The following ACTR3B variants were observed in gnomAD, a reference collection of about 807,000 sequenced individuals.
ACTR3B encodes the protein actin-related protein 3B.
Under a neutral mutation model 59.0 loss-of-function variants are expected in ACTR3B, and 8 were observed. The ratio of observed to expected loss-of-function variants is 0.14; its 90% CI spans 0.08 to 0.24. ACTR3B has a LOEUF of 0.24. Ranked by LOEUF, ACTR3B falls within the 10% of genes least tolerant of loss-of-function variation. The pLI is 1.00. For missense variants in ACTR3B, 245 were observed against 552.3 expected, an observed-to-expected ratio of 0.44 and a Z score of 5.58; for synonymous variants, 148 against 197.9, an observed-to-expected ratio of 0.75 and a Z score of 2.12.
chr7:152,817,716 T>G (rs1296591701), intron 6 of ACTR3B, among the ~76,000 whole-genome samples: 1 of 151,928 alleles, frequency 6.6e-6, no homozygotes, highest in African/African-American at 2.4e-5. Context: ...TATGGGGGGG[T>G]GTGTATGTGT....
At chr7:152,782,675 G>A (rs1307115766) in intron 1 of ACTR3B, among the ~76,000 whole-genome samples, 7 of 149,522 alleles carry the variant, frequency 4.7e-5, no homozygotes, top group Admixed American at 6.7e-5. Flanking sequence ...CCCCCACCCC[G>A]CAAAGTTCAG....
intron 7 of ACTR3B, among the ~76,000 whole-genome samples, chr7:152,821,889 G>T (rs1397301993): frequency 1.3e-5 from 2 of 152,196 alleles, no homozygotes; most frequent in African/African-American, 2.4e-5. Flanking sequence ...AGGCCTGAGG[G>T]AGTGTGTAAC....
At chr7:152,767,093 G>GT (rs59830659) in intron 1 of ACTR3B, among the ~76,000 whole-genome samples, 6,672 of 141,378 alleles carry the variant, frequency 0.047, 204 homozygotes, top group East Asian at 0.11. Context: ...CAGCTGGTAG[G>GT]TTTTTTTTTT....
At chr7:152,778,045 C>T (rs1272276388) in intron 1 of ACTR3B, among the ~76,000 whole-genome samples, 9 of 151,732 alleles carry the variant, frequency 5.9e-5, no homozygotes, top group Non-Finnish European at 8.8e-5. Flanking sequence ...TCTAATTCTT[C>T]CTAACAGTGT....
In ACTR3B at chr7:152,760,403, C is replaced by T. The variant is rs139425872; in HGVS notation, c.44+477C>T. Among the ~76,000 whole-genome samples, 1,209 of 152,334 alleles carry T rather than the reference C, an allele frequency of 7.9e-3. 10 individuals carry two copies. The highest frequency in any genetic ancestry group is 0.012 in the Non-Finnish European group (794 of 68,030). ...GCCTTCCAGCGTTCTCAGCACTGGC[C>T]CTCGTTCTGTCCCCGCGTGTGCGTG... On this transcript the variant is annotated intron_variant, in intron 1 of 11. Transcript: ENST00000256001.
chr7:152,770,757 TG>T (rs2098122005), intron 1 of ACTR3B, among the ~76,000 whole-genome samples: 1 of 140,248 alleles, frequency 7.1e-6, no homozygotes, highest in African/African-American at 2.7e-5. Context: ...TTCAAGACAT[TG>T]TATTCAGTGT....
At chr7:152,815,949 TC>T (rs1211489406) in intron 5 of ACTR3B, among the ~76,000 whole-genome samples, 1 of 151,856 alleles carries the variant, frequency 6.6e-6, no homozygotes, top group East Asian at 1.9e-4. Flanking sequence ...TTTTTTTCTT[TC>T]CTTTTTTTAT....
At chr7:152,818,733 G>GTT (rs1795915657) in intron 6 of ACTR3B, among the ~76,000 whole-genome samples, 1 of 152,270 alleles carries the variant, frequency 6.6e-6, no homozygotes, top group Non-Finnish European at 1.5e-5. Context: ...ACAGGCGTGA[G>GTT]CCACTATGCC....
chr7:152,765,762 A>G (rs2689517), intron 1 of ACTR3B, among the ~76,000 whole-genome samples: 1 of 151,954 alleles, frequency 6.6e-6, no homozygotes, highest in African/African-American at 2.4e-5. Context: ...AGACCAGTTC[A>G]GTAAAAGTGC....
At chr7:152,788,726 A>G (rs2098183287) in intron 2 of ACTR3B, among the ~76,000 whole-genome samples, 1 of 152,122 alleles carries the variant, frequency 6.6e-6, no homozygotes, top group South Asian at 2.1e-4. Flanking sequence ...GTATTCTTTA[A>G]AAAGCTCTTA....
intron 9 of ACTR3B, among the ~76,000 whole-genome samples, chr7:152,836,181 A>G (rs1044712710): frequency 2.0e-5 from 3 of 152,074 alleles, no homozygotes; most frequent in African/African-American, 7.2e-5. Flanking sequence ...GGGGGGTTTG[A>G]CTTTAGATTT....
intron 9 of ACTR3B, among the ~76,000 whole-genome samples, chr7:152,849,565 G>A (rs140863328): frequency 2.9e-3 from 438 of 152,284 alleles, no homozygotes; most frequent in African/African-American, 9.8e-3. Flanking sequence ...GGTGTCCCTG[G>A]GCCAGAAACT....
intron 1 of ACTR3B, among the ~76,000 whole-genome samples, chr7:152,766,262 C>T (rs2098110104): frequency 1.3e-5 from 2 of 152,222 alleles, no homozygotes; most frequent in Admixed American, 1.3e-4. Flanking sequence ...GCAGTTAATT[C>T]CTCCAGCATC....
At chr7:152,792,123 G>C (rs2098198575) in intron 2 of ACTR3B, among the ~76,000 whole-genome samples, 1 of 152,040 alleles carries the variant, frequency 6.6e-6, no homozygotes, top group Admixed American at 6.6e-5. Flanking sequence ...AACTCCTCAA[G>C]TGATCCACCT....
At chr7:152,805,971 A>T (rs933857575) in intron 4 of ACTR3B, among the ~76,000 whole-genome samples, 4 of 152,216 alleles carry the variant, frequency 2.6e-5, no homozygotes, top group South Asian at 2.1e-4. Flanking sequence ...TTCATTTTTA[A>T]ATCAATACCA....
At chr7:152,772,157 A>C (rs2098125575) in intron 1 of ACTR3B, among the ~76,000 whole-genome samples, 1 of 152,110 alleles carries the variant, frequency 6.6e-6, no homozygotes, top group South Asian at 2.1e-4. Flanking sequence ...TAATGGAAAA[A>C]ATAAAATCAC....
In ACTR3B at chr7:152,834,146, G is replaced by A. The variant is rs191394909; in HGVS notation, c.951+9024G>A. 2.8e-3 allele frequency among the ~76,000 whole-genome samples: 428 copies of A among 151,110 alleles called. 8 individuals carry two copies. The highest frequency in any genetic ancestry group is 0.022 in the Admixed American group (336 of 15,180). On this transcript the variant is annotated intron_variant, in intron 9 of 11. Transcript: ENST00000256001. ...AAGGAGAATTTACTCCTTTGTAGTC[G>A]CTGTTTTTGTTTTTTTTTTTTTTGA...
At chr7:152,763,879 C>T (rs900773067) in intron 1 of ACTR3B, among the ~76,000 whole-genome samples, 5 of 152,178 alleles carry the variant, frequency 3.3e-5, no homozygotes, top group African/African-American at 1.2e-4. Context: ...TATGAGTTGT[C>T]GTTCTGTTCA....
chr7:152,798,078 T>G (rs1271166519), intron 2 of ACTR3B, among the ~76,000 whole-genome samples: 2 of 152,072 alleles, frequency 1.3e-5, no homozygotes, highest in Non-Finnish European at 2.9e-5. Context: ...GATCGTATGG[T>G]AGTTCTATTT....
Sources: allele counts gnomAD v4.1 joint callset (sites outside exome capture counted in the v4.1 genomes callset), GRCh38; gene constraint gnomAD v4.1.1; transcripts MANE v1.5; gene names NCBI Gene and HGNC (gene_info 2026-07-23, HGNC 2026-07-21).